The following SPIRE2 variants were observed in gnomAD, a reference collection of about 807,000 sequenced individuals.
SPIRE2 encodes the protein spire type actin nucleation factor 2, also known as protein spire homolog 2.
SPIRE2 carries 76 observed loss-of-function variants against 80.7 expected under a neutral mutation model. The observed-to-expected ratio is 0.94, with a 90% CI of 0.78 to 1.14. The LOEUF is 1.14. SPIRE2 is among the 50% of genes most tolerant of loss of function. The pLI is 0.00. For missense variants in SPIRE2, 1,196 were observed against 1,015.3 expected (o/e 1.18, Z -2.42); for synonymous variants, 535 against 432.6 (o/e 1.24, Z -2.94).
At chr16:89,869,054 ATAT>A (rs1219694318) in intron 13 of SPIRE2, among the ~76,000 whole-genome samples, 93 of 48,434 alleles carry the variant, frequency 1.9e-3, no homozygotes, top group African/African-American at 9.1e-3. Flanking sequence ...AAAAAAAAAA[ATAT>A]ATATATATAT....
chr16:89,842,656 G>T (rs895756016), intron 1 of SPIRE2, among the ~76,000 whole-genome samples: 1 of 152,256 alleles, frequency 6.6e-6, no homozygotes, highest in African/African-American at 2.4e-5. Context: ...TGAAGGCACT[G>T]AAGGGCCAGC....
chr16:89,853,355 G>A (rs1200676821), intron 3 of SPIRE2, among the ~76,000 whole-genome samples: 1 of 152,210 alleles, frequency 6.6e-6, no homozygotes, highest in Non-Finnish European at 1.5e-5. Context: ...AGTTGACTGA[G>A]GCGAAGTTTG....
At chr16:89,860,426 CTT>C (rs1184202550) in intron 9 of SPIRE2, among the ~76,000 whole-genome samples, 2 of 152,032 alleles carry the variant, frequency 1.3e-5, no homozygotes, top group Non-Finnish European at 2.9e-5. Flanking sequence ...GCCTGCCTAA[CTT>C]TTATATTTTT....
At chr16:89,850,927 C>G (rs2041620957) in intron 3 of SPIRE2, among the ~76,000 whole-genome samples, 1 of 152,084 alleles carries the variant, frequency 6.6e-6, no homozygotes, top group Admixed American at 6.5e-5. Context: ...ACCTCCGCCT[C>G]CCAGGTTCAA....
chr16:89,848,810 C>A (rs189150147), intron 2 of SPIRE2, among the ~76,000 whole-genome samples: 1 of 148,322 alleles, frequency 6.7e-6, no homozygotes, highest in East Asian at 2.0e-4. Flanking sequence ...GCAGGACAGA[C>A]GAGGCAGGTT....
intron 12 of SPIRE2, among the ~76,000 whole-genome samples, chr16:89,867,229 C>T (rs1046366159): frequency 2.6e-5 from 4 of 151,972 alleles, no homozygotes; most frequent in African/African-American, 9.7e-5. Flanking sequence ...ACTGCAACTT[C>T]CGCCTCCTGG....
intron 5 of SPIRE2, among the ~76,000 whole-genome samples, chr16:89,855,113 T>C (rs2041677281): frequency 6.6e-6 from 1 of 152,152 alleles, no homozygotes; most frequent in Admixed American, 6.6e-5. Flanking sequence ...TAATTTTTTG[T>C]ATTTTTAGTA....
chr16:89,869,773 G>C (rs2075126607), intron 14 of SPIRE2, 91 bp downstream of exon 14: 2 of 988,234 alleles, frequency 2.0e-6, no homozygotes, highest in Non-Finnish European at 3.2e-6. Flanking sequence ...GGCTTTGTCT[G>C]TTTGCTAGGA....
chr16:89,828,868 T>G lies in SPIRE2; in HGVS notation c.244+74T>G. ...CGTCCCGCCCCCTGGGTGGGGGTGG[T>G]CCCGGCGGAGAGGCTGCGACCGGTT... On this transcript the variant is annotated intron_variant, in intron 1 of 14. Coordinates refer to ENST00000378247, the MANE Select transcript of SPIRE2 (RefSeq NM_032451.2). This position sits in a 1 kb window ranked among gnomAD's most constrained non-coding sequence, Gnocchi z 5.9. 1 of 1,123,150 alleles carries G rather than the reference T, an allele frequency of 8.9e-7. No homozygotes were observed. Among genetic ancestry groups the G allele is most frequent in the Non-Finnish European group, 1.1e-6 (1 of 908,852 alleles). The allele number at this position is 1,123,150 out of a possible 1,614,324, so 69.6% of individuals were successfully genotyped here. A position where few individuals can be genotyped will look rare whatever the true frequency, so the allele number is the denominator to read the frequency against.
chr16:89,839,343 C>T (rs1192468321), intron 1 of SPIRE2, among the ~76,000 whole-genome samples: 93 of 145,052 alleles, frequency 6.4e-4, no homozygotes, highest in Non-Finnish European at 7.4e-5. Context: ...CACTGCACTC[C>T]AGCCTGGGCG....
In SPIRE2 at chr16:89,863,924, TACCGCCC is replaced by T; in HGVS notation, c.1778+66_1778+72del. ...GAGGAGGCGAGAAACCTCGGGGCAG[TACCGCCC>T]ACAGAACTTCCTGTGATTCCAGGAA... On this transcript the variant is annotated intron_variant, in intron 12 of 14. Transcript: ENST00000378247. This position sits in a 1 kb window ranked among gnomAD's most constrained non-coding sequence, Gnocchi z 4.3. The T allele has an allele frequency of 7.8e-7, 1 of 1,287,486 alleles. No homozygotes were observed. Among genetic ancestry groups the T allele is most frequent in the Non-Finnish European group, 1.1e-6 (1 of 905,220 alleles). 79.8% of individuals were successfully genotyped at this position (1,287,486 alleles called of 1,614,324 possible). A position where few individuals can be genotyped will look rare whatever the true frequency, so the allele number is the denominator to read the frequency against.
intron 12 of SPIRE2, among the ~76,000 whole-genome samples, chr16:89,865,214 G>C (rs2041778994): frequency 6.6e-6 from 1 of 151,970 alleles, no homozygotes; most frequent in African/African-American, 2.4e-5. Flanking sequence ...CACCATGTTA[G>C]CCAGGATGGT....
At chr16:89,832,167 A>G (rs1192420795) in intron 1 of SPIRE2, among the ~76,000 whole-genome samples, 1 of 152,232 alleles carries the variant, frequency 6.6e-6, no homozygotes, top group African/African-American at 2.4e-5. Flanking sequence ...GTTACGGCCC[A>G]TGTGAAGGGG....
intron 7 of SPIRE2, among the ~76,000 whole-genome samples, chr16:89,857,134 ATCT>A (rs1456393731): frequency 2.9e-4 from 35 of 120,368 alleles, no homozygotes; most frequent in Non-Finnish European, 2.0e-4. Flanking sequence ...AATTTCCTAT[ATCT>A]TTTTTTTTTT....
rs750726462 is a variant in SPIRE2, at chr16:89,828,672, G to A, written c.122G>A (p.Trp41Ter). ...CAGCCGCTCAACGAGGAGCAGGCGTGGGCCGTGTGCTTCCAGGGCTGCCGC... is the reference window on the plus strand; with the variant it reads ...CAGCCGCTCAACGAGGAGCAGGCGTAGGCCGTGTGCTTCCAGGGCTGCCGC... ...YEQPLNEEQA[W>*]AVCFQGCRGL... Residue 41 changes from tryptophan (W) to a stop codon, truncating the protein, a stop_gained, in exon 1 of 15, where the codon TGG (tryptophan) becomes TAG (stop). Transcript: ENST00000378247. LOFTEE classifies it high-confidence loss of function. This position sits in a 1 kb window ranked among gnomAD's most constrained non-coding sequence, Gnocchi z 5.9. 7.4e-7 allele frequency: 1 copy of A among 1,348,334 alleles called. No homozygotes were observed. Among genetic ancestry groups the A allele is most frequent in the Admixed American group, 2.5e-5 (1 of 39,888 alleles). The allele number at this position is 1,348,334 out of a possible 1,614,324, so 83.5% of individuals were successfully genotyped here.
At chr16:89,869,757 G>T (rs1033013206) in intron 14 of SPIRE2, 75 bp downstream of exon 14, 9 of 1,181,492 alleles carry the variant, frequency 7.6e-6, no homozygotes, top group Non-Finnish European at 1.1e-5. Flanking sequence ...TGGGGTGGAG[G>T]GGGCTGGCTT....
Position 89,871,192 on chromosome 16 carries a change from G to A in SPIRE2, c.*920G>A, listed in dbSNP as rs566983772. 6.6e-6 allele frequency: 1 copy of A among 152,490 alleles called. No individual in the cohort carries two copies. Among genetic ancestry groups the A allele is most frequent in the African/African-American group, 2.4e-5 (1 of 41,428 alleles). 9.4% of individuals were successfully genotyped at this position (152,490 alleles called of 1,614,324 possible). On this transcript the variant is annotated 3_prime_UTR_variant, in exon 15 of 15. Coordinates refer to ENST00000378247, the MANE Select transcript of SPIRE2 (RefSeq NM_032451.2). Reference sequence around the variant, plus strand: ...CCTCTCCTGGCCCTACCACATTCTGGTGCTGTCCTCACTCGCCCCTGGCCC... The same window carrying A: ...CCTCTCCTGGCCCTACCACATTCTGATGCTGTCCTCACTCGCCCCTGGCCC...
At chr16:89,865,095 C>G (rs2041778018) in intron 12 of SPIRE2, among the ~76,000 whole-genome samples, 1 of 151,636 alleles carries the variant, frequency 6.6e-6, no homozygotes, top group African/African-American at 2.4e-5. Context: ...TAAGCTCCGC[C>G]TCCTGAGTTC....
chr16:89,833,420 G>T (rs538972999), intron 1 of SPIRE2, among the ~76,000 whole-genome samples: 1 of 152,206 alleles, frequency 6.6e-6, no homozygotes, highest in South Asian at 2.1e-4. Context: ...CACCGCACCC[G>T]CCTGGCCAAA....
Sources: gnomAD v4.1 joint callset for allele counts (sites outside exome capture counted in the v4.1 genomes callset) on GRCh38, gnomAD v4.1.1 for gene constraint, Gnocchi (gnomAD v3.1) non-coding constraint, MANE v1.5 for transcripts, NCBI Gene and HGNC (gene_info 2026-07-23, HGNC 2026-07-21) for gene names.